Variants in SPON1 observed in about 807,000 individuals in gnomAD.
SPON1 encodes spondin-1.
In SPON1, 52 loss-of-function variants were observed where a neutral mutation model predicts 111.7. The ratio of observed to expected loss-of-function variants is 0.47; its 90% CI spans 0.37 to 0.59. The LOEUF (loss-of-function observed/expected upper bound fraction) is 0.59. Among genes scored for constraint, SPON1 ranks in the 20% least tolerant of loss-of-function variants. The pLI is 0.00. For missense variants in SPON1, 957 were observed against 1,068.5 expected (o/e 0.90, Z 1.46); for synonymous variants, 410 against 395.8 (o/e 1.04, Z -0.43).
rs137947892 is a variant in SPON1 at position 14,218,473 on chromosome 11, C to A, written c.826-24859C>A. Among the ~76,000 whole-genome samples, 780 of 152,304 alleles carry A rather than the reference C, an allele frequency of 5.1e-3. 9 individuals are homozygous for A. Among genetic ancestry groups the A allele is most frequent in the African/African-American group, 0.018 (753 of 41,558 alleles). ...AATATGATCTCCCTGAGGGCAGGAA[C>A]AACATCCTAATGATTTCTGTGTCCC... On this transcript the variant is annotated intron_variant, in intron 6 of 15. Coordinates refer to ENST00000576479, the MANE Select transcript of SPON1 (RefSeq NM_006108.4).
intron 6 of SPON1, among the ~76,000 whole-genome samples, chr11:14,192,756 C>T (rs1458414572): frequency 7.3e-6 from 1 of 136,154 alleles, no homozygotes; most frequent in African/African-American, 2.7e-5. Flanking sequence ...CAGGATGCAA[C>T]GTCTGGAAAG....
intron 7 of SPON1, among the ~76,000 whole-genome samples, chr11:14,246,412 A>G (rs1435132257): frequency 6.6e-6 from 1 of 152,206 alleles, no homozygotes; most frequent in African/African-American, 2.4e-5. Context: ...AAGGGTGGAT[A>G]TAGAATGCCA....
At chr11:14,195,327 C>T (rs1235719199) in intron 6 of SPON1, among the ~76,000 whole-genome samples, 2 of 152,134 alleles carry the variant, frequency 1.3e-5, no homozygotes, top group Non-Finnish European at 2.9e-5. Flanking sequence ...AAGTGTCAGG[C>T]TTTCAGCTCT....
intron 4 of SPON1, among the ~76,000 whole-genome samples, chr11:14,078,864 A>G (rs1288823219): frequency 1.3e-5 from 2 of 152,226 alleles, no homozygotes; most frequent in Non-Finnish European, 2.9e-5. Flanking sequence ...ACTTCTATCC[A>G]TCATGGATTT....
chr11:14,215,302 C>T (rs782030727), intron 6 of SPON1, among the ~76,000 whole-genome samples: 1 of 152,162 alleles, frequency 6.6e-6, no homozygotes, highest in Non-Finnish European at 1.5e-5. Context: ...CACATTGCCT[C>T]CTTAGGTGAC....
chr11:14,046,010 T>A (rs1245408775), intron 3 of SPON1, among the ~76,000 whole-genome samples: 1 of 152,226 alleles, frequency 6.6e-6, no homozygotes, highest in Non-Finnish European at 1.5e-5. Context: ...TGGAATTTAA[T>A]GTTGTGAATG....
chr11:14,132,516 C>G (rs2133859361), intron 5 of SPON1, among the ~76,000 whole-genome samples: 2 of 152,258 alleles, frequency 1.3e-5, no homozygotes, highest in Non-Finnish European at 2.9e-5. Context: ...CATTCTTGTG[C>G]TATAAAAAAC....
chr11:14,084,133 T>C (rs529336598), intron 5 of SPON1, among the ~76,000 whole-genome samples: 2 of 152,182 alleles, frequency 1.3e-5, no homozygotes, highest in African/African-American at 4.8e-5. Flanking sequence ...TCAAGGACAT[T>C]CTTTTTTTTT....
At chr11:13,987,241 T>C (rs998745604) in intron 2 of SPON1, among the ~76,000 whole-genome samples, 1 of 152,224 alleles carries the variant, frequency 6.6e-6, no homozygotes. Context: ...TCCTGACTTT[T>C]TAATGATCAC....
At chr11:14,229,972 G>GTA (rs1405720514) in intron 6 of SPON1, among the ~76,000 whole-genome samples, 3 of 151,764 alleles carry the variant, frequency 2.0e-5, no homozygotes, top group Non-Finnish European at 4.4e-5. Context: ...GTGTGTGTGT[G>GTA]TGTGTGTGTG....
intron 2 of SPON1, among the ~76,000 whole-genome samples, chr11:14,008,544 G>A (rs1048929116): frequency 2.0e-5 from 3 of 152,058 alleles, no homozygotes; most frequent in Non-Finnish European, 4.4e-5. Context: ...TCTATGGGGG[G>A]AAAAGAAAAG....
chr11:14,038,601 A>C (rs1848611235), intron 2 of SPON1, among the ~76,000 whole-genome samples: 1 of 152,240 alleles, frequency 6.6e-6, no homozygotes, highest in African/African-American at 2.4e-5. Context: ...AAATAAAAAT[A>C]TGTTCAACAT....
intron 1 of SPON1, among the ~76,000 whole-genome samples, chr11:13,972,668 T>C (rs782047596): frequency 6.6e-6 from 1 of 152,220 alleles, no homozygotes; most frequent in Non-Finnish European, 1.5e-5. Flanking sequence ...CCAATGACAT[T>C]TACATACCAA....
intron 3 of SPON1, among the ~76,000 whole-genome samples, chr11:14,068,138 A>G (rs1848846839): frequency 1.3e-5 from 2 of 152,148 alleles, no homozygotes; most frequent in Admixed American, 6.5e-5. Flanking sequence ...TTAGTTTTCC[A>G]TTGGATTTGG....
intron 3 of SPON1, among the ~76,000 whole-genome samples, chr11:14,047,588 G>A (rs912028957): frequency 2.6e-5 from 4 of 152,150 alleles, no homozygotes; most frequent in East Asian, 1.9e-4. Flanking sequence ...AACATGGTAA[G>A]AGTTCAGAGA....
intron 3 of SPON1, among the ~76,000 whole-genome samples, chr11:14,062,170 A>G (rs1404823780): frequency 2.0e-5 from 3 of 152,120 alleles, no homozygotes; most frequent in Non-Finnish European, 4.4e-5. Flanking sequence ...TATTTTTCCC[A>G]AAAGACAGAA....
At chr11:14,222,910 G>C (rs1848696152) in intron 6 of SPON1, among the ~76,000 whole-genome samples, 1 of 152,192 alleles carries the variant, frequency 6.6e-6, no homozygotes, top group African/African-American at 2.4e-5. Context: ...ACAGAAGTCA[G>C]CTCCAGCACA....
intron 5 of SPON1, among the ~76,000 whole-genome samples, chr11:14,083,202 G>A (rs1449238706): frequency 7.2e-5 from 11 of 152,214 alleles, no homozygotes; most frequent in Admixed American, 3.9e-4. Context: ...AATGTTTTAC[G>A]TTTTTGCAAC....
intron 3 of SPON1, among the ~76,000 whole-genome samples, chr11:14,056,752 G>T (rs755925625): frequency 1.1e-4 from 17 of 152,222 alleles, no homozygotes; most frequent in Non-Finnish European, 1.5e-4. Flanking sequence ...TTAGCCAGGC[G>T]TGGTGGCGGG....
Sources: allele counts gnomAD v4.1 joint callset (sites outside exome capture counted in the v4.1 genomes callset), GRCh38; gene constraint gnomAD v4.1.1; transcripts MANE v1.5; gene names NCBI Gene and HGNC (gene_info 2026-07-23, HGNC 2026-07-21).